The following SCAF8 variants were observed in gnomAD, a reference collection of about 807,000 sequenced individuals.
SCAF8 encodes the protein SR-related and CTD-associated factor 8.
Under a neutral mutation model 140.5 loss-of-function variants are expected in SCAF8, and 23 were observed. The ratio of observed to expected loss-of-function variants is 0.16; its 90% CI spans 0.12 to 0.23. SCAF8 has a LOEUF of 0.23. Ranked by LOEUF, SCAF8 falls within the 10% of genes least tolerant of loss-of-function variation. The pLI, the probability that SCAF8 is intolerant of heterozygous loss-of-function variation, is 1.00. For missense variants in SCAF8, 1,397 were observed against 1,555.7 expected (o/e 0.90, Z 1.72); for synonymous variants, 575 against 528.9 (o/e 1.09, Z -1.20).
Position 154,791,160 on chromosome 6 carries a change from A to G in SCAF8, c.322-1663A>G, listed in dbSNP as rs150194893. 6.5e-4 allele frequency among the ~76,000 whole-genome samples: 99 copies of G among 152,366 alleles called. 3 individuals are homozygous for G. In the East Asian group the frequency reaches 0.016, roughly 25 times the overall value. Reference sequence around the variant, plus strand: ...CTTCATTGGGCATATTTTTCTGCCTATTAAGTTTGAAGCTTTCAGGATCTG... The same window carrying G: ...CTTCATTGGGCATATTTTTCTGCCTGTTAAGTTTGAAGCTTTCAGGATCTG... On this transcript the variant is annotated intron_variant, in intron 4 of 19. Transcript: ENST00000367178.
upstream of SCAF8, chr6:154,733,403 A>C (rs1778309234): frequency 2.2e-6 from 3 of 1,386,102 alleles, no homozygotes; most frequent in Middle Eastern, 2.2e-4. Flanking sequence ...GCGCGGCCCG[A>C]CTCGAGTCCG....
intron 1 of SCAF8, among the ~76,000 whole-genome samples, chr6:154,744,479 T>C (rs1243204367): frequency 3.3e-5 from 5 of 152,244 alleles, no homozygotes; most frequent in African/African-American, 1.2e-4. Flanking sequence ...GCCATTACCA[T>C]GTTTCCGTGG....
At position 154,821,994 on chromosome 6, in the gene SCAF8, C is replaced by T. The variant is rs143100575; in HGVS notation, c.1793-282C>T. Among the ~76,000 whole-genome samples, 626 of 152,234 alleles carry T rather than the reference C, an allele frequency of 4.1e-3. 4 individuals are homozygous for T. The highest frequency in any genetic ancestry group is 0.014 in the African/African-American group (583 of 41,546). Reference sequence around the variant, plus strand: ...GGTTAGTTCCTCTTACATCAGCCAGCCATTGAGATACATATCTATTGTATC... The same window carrying T: ...GGTTAGTTCCTCTTACATCAGCCAGTCATTGAGATACATATCTATTGTATC... On this transcript the variant is annotated intron_variant, in intron 15 of 19. Coordinates refer to ENST00000367178, the MANE Select transcript of SCAF8 (RefSeq NM_014892.5).
intron 3 of SCAF8, 119 bp downstream of exon 3, chr6:154,778,164 GTTATT>G: frequency 3.5e-6 from 2 of 574,516 alleles, no homozygotes; most frequent in Non-Finnish European, 6.0e-6. Context: ...AGTGATTCCA[GTTATT>G]TTATTTTCCA....
In SCAF8 at chr6:154,811,368, C is replaced by G. The variant is rs546635810; in HGVS notation, c.1420+1160C>G. Among the ~76,000 whole-genome samples the G allele has an allele frequency of 6.6e-5, 10 of 150,688 alleles. No individual in the cohort carries two copies. In the South Asian group the frequency reaches 1.5e-3, roughly 23 times the overall value. ...TCATTTAATTTCTCACTTAATTTGTCATGTTGTTGATTTCACTGTTTACAC... is the reference window on the plus strand; with the variant it reads ...TCATTTAATTTCTCACTTAATTTGTGATGTTGTTGATTTCACTGTTTACAC... On this transcript the variant is annotated intron_variant, in intron 12 of 19. Transcript: ENST00000367178.
At chr6:154,823,491 T>C (rs565399864) in intron 16 of SCAF8, among the ~76,000 whole-genome samples, 3 of 152,118 alleles carry the variant, frequency 2.0e-5, no homozygotes, top group African/African-American at 7.2e-5. Context: ...GGTCAGATAC[T>C]AGGTGTATTT....
chr6:154,773,926 T>A, intron 1 of SCAF8, 63 bp from the exon 2 acceptor site: 3 of 989,432 alleles, frequency 3.0e-6, no homozygotes, highest in Non-Finnish European at 4.8e-6. Flanking sequence ...TGAACATGTT[T>A]GGTAGTTTCA....
At chr6:154,765,150 G>A (rs183465500) in intron 1 of SCAF8, among the ~76,000 whole-genome samples, 40 of 152,222 alleles carry the variant, frequency 2.6e-4, no homozygotes, top group African/African-American at 9.4e-4. Context: ...CTAAAGTACT[G>A]GTTGTTAGTT....
At chr6:154,795,184 A>AT in intron 6 of SCAF8, 45 bp downstream of exon 6, 1 of 1,530,526 alleles carries the variant, frequency 6.5e-7, no homozygotes, top group Admixed American at 2.1e-5. Context: ...AGAATTTAAT[A>AT]TTTTCCTAAT....
chr6:154,772,218 A>C (rs1776788953), intron 1 of SCAF8, among the ~76,000 whole-genome samples: 1 of 152,198 alleles, frequency 6.6e-6, no homozygotes, highest in South Asian at 2.1e-4. Context: ...TTGTTTTTGC[A>C]GTGTTCTGAT....
intron 6 of SCAF8, among the ~76,000 whole-genome samples, chr6:154,801,208 AG>A (rs890018024): frequency 5.9e-5 from 9 of 151,606 alleles, no homozygotes; most frequent in Admixed American, 5.2e-4. Flanking sequence ...TGTTTTAAGT[AG>A]GCATGAAATT....
At chr6:154,751,167 G>A (rs1778827248) in intron 1 of SCAF8, among the ~76,000 whole-genome samples, 1 of 152,110 alleles carries the variant, frequency 6.6e-6, no homozygotes, top group African/African-American at 2.4e-5. Flanking sequence ...GGAAGAGCTA[G>A]TTGTGGTTCT....
intron 1 of SCAF8, among the ~76,000 whole-genome samples, chr6:154,761,799 G>T (rs1216186976): frequency 6.6e-6 from 1 of 151,992 alleles, no homozygotes; most frequent in Non-Finnish European, 1.5e-5. Flanking sequence ...TATTTTAAGG[G>T]ACTATAAAAG....
intron 3 of SCAF8, 77 bp downstream of exon 3, chr6:154,778,122 C>A: frequency 1.3e-6 from 1 of 773,128 alleles, no homozygotes; most frequent in South Asian, 1.7e-5. Flanking sequence ...ATCAAATACC[C>A]AAGTTTAAAT....
Position 154,764,142 on chromosome 6 carries a change from T to C in SCAF8, c.31-9847T>C, listed in dbSNP as rs145982385. Among the ~76,000 whole-genome samples, 1,291 of 152,306 alleles carry C rather than the reference T, an allele frequency of 8.5e-3. 19 individuals are homozygous for C. Among genetic ancestry groups the C allele is most frequent in the African/African-American group, 0.03 (1,231 of 41,560 alleles). ...AAAAATATGCATTTGCTGTGGTGCC[T>C]ACAAGTGATAGTATAGAAACTTAAA... is the stretch of plus-strand genomic sequence containing the variant. On this transcript the variant is annotated intron_variant, in intron 1 of 19. Coordinates refer to ENST00000367178, the MANE Select transcript of SCAF8 (RefSeq NM_014892.5).
intron 1 of SCAF8, 85 bp downstream of exon 1, chr6:154,734,015 G>T (rs1249135223): frequency 7.0e-7 from 1 of 1,427,314 alleles, no homozygotes; most frequent in Admixed American, 3.0e-5. Context: ...GTGGGCGCGG[G>T]CCTGCGGGTT....
chr6:154,746,280 C>T (rs927153938), intron 1 of SCAF8, among the ~76,000 whole-genome samples: 7 of 152,182 alleles, frequency 4.6e-5, no homozygotes, highest in Non-Finnish European at 1.0e-4. Flanking sequence ...GTCCTTTTGA[C>T]AAGTCCTCAT....
chr6:154,810,274 A>G (rs964693956), intron 12 of SCAF8, 66 bp downstream of exon 12: 64 of 1,215,730 alleles, frequency 5.3e-5, no homozygotes, highest in Non-Finnish European at 6.7e-5. Context: ...ATCTGCTACA[A>G]AGTCTCTCAG....
chr6:154,822,939 A>G (rs1037748027), intron 16 of SCAF8, among the ~76,000 whole-genome samples: 15 of 152,208 alleles, frequency 9.9e-5, no homozygotes, highest in East Asian at 1.9e-4. Flanking sequence ...GTGAGATCCT[A>G]TGGAAGGAAA....
Sources: gnomAD v4.1 joint callset for allele counts (sites outside exome capture counted in the v4.1 genomes callset) on GRCh38, gnomAD v4.1.1 for gene constraint, MANE v1.5 for transcripts, NCBI Gene and HGNC (gene_info 2026-07-23, HGNC 2026-07-21) for gene names.